Variants in STK40 observed in about 807,000 individuals in gnomAD.
STK40 encodes the protein serine/threonine kinase 40, also known as serine/threonine-protein kinase 40.
A neutral mutation model predicts 47.9 loss-of-function variants in STK40; 13 were observed. The observed-to-expected ratio is 0.27, with a 90% CI of 0.18 to 0.43. The LOEUF (loss-of-function observed/expected upper bound fraction) is 0.43, where lower values mean the gene tolerates loss of function less well. Among genes scored for constraint, STK40 ranks in the 20% least tolerant of loss-of-function variants. The probability of loss-of-function intolerance (pLI) is 1.00; values close to 1 mark genes in which losing one functional copy is unlikely to be tolerated. For synonymous variants in STK40, 225 were observed against 243.2 expected, an observed-to-expected ratio of 0.93 and a Z score of 0.69; for missense variants, 460 against 595.1, an observed-to-expected ratio of 0.77 and a Z score of 2.36.
At chr1:36,363,217 C>T (rs1045295735) in intron 1 of STK40, among the ~76,000 whole-genome samples, 3 of 151,866 alleles carry the variant, frequency 2.0e-5, no homozygotes, top group African/African-American at 2.4e-5. Flanking sequence ...GCAGGAAAAT[C>T]GCTTGAACTG....
At chr1:36,346,160 A>G (rs1189817714) in intron 7 of STK40, among the ~76,000 whole-genome samples, 2 of 150,488 alleles carry the variant, frequency 1.3e-5, no homozygotes. Context: ...ACGCCCGGCT[A>G]ATTTTTTTTA....
At chr1:36,348,883 G>A (rs1391537411) in intron 6 of STK40, 68 bp from the exon 7 acceptor site, 4 of 1,353,102 alleles carry the variant, frequency 3.0e-6, no homozygotes, top group Non-Finnish European at 4.1e-6. Flanking sequence ...ACGCAGGCAG[G>A]ACACACCTCA....
At chr1:36,356,475 GAGTGC>G (rs1236167942) in intron 4 of STK40, among the ~76,000 whole-genome samples, 2 of 144,882 alleles carry the variant, frequency 1.4e-5, no homozygotes, top group Admixed American at 1.4e-4. Flanking sequence ...GCCCAGGCTG[GAGTGC>G]AGTGTCACGC....
rs371456549 is a variant in STK40 at position 36,344,488 on chromosome 1, G to A, written c.740-224C>T. 1.8e-3 allele frequency among the ~76,000 whole-genome samples: 277 copies of A among 152,268 alleles called. 1 individual carries two copies. Among genetic ancestry groups the A allele is most frequent in the African/African-American group, 6.4e-3 (265 of 41,560 alleles). ...AGCACCTGCTCACAGCACCTGCCCC[G>A]CCCGGCCAGATGGCGAGCCCCTGGG... On this transcript the variant is annotated intron_variant, in intron 7 of 10. Coordinates refer to ENST00000373132, the MANE Select transcript of STK40 (RefSeq NM_001282547.2).
chr1:36,352,595 A>C (rs962028232), intron 6 of STK40, among the ~76,000 whole-genome samples: 7 of 152,200 alleles, frequency 4.6e-5, no homozygotes, highest in Non-Finnish European at 1.5e-5. Context: ...CAGCCAGTCC[A>C]GGGTTCAAGC....
At chr1:36,380,131 T>A (rs932503501) in intron 1 of STK40, among the ~76,000 whole-genome samples, 1 of 152,194 alleles carries the variant, frequency 6.6e-6, no homozygotes, top group Non-Finnish European at 1.5e-5. Flanking sequence ...AGGATCTTGA[T>A]TACAGAGCCT....
chr1:36,347,006 C>G (rs1646708774), intron 7 of STK40, among the ~76,000 whole-genome samples: 1 of 152,172 alleles, frequency 6.6e-6, no homozygotes, highest in Admixed American at 6.5e-5. Flanking sequence ...CCCCTGGCAC[C>G]CAGTTCCCTC....
At position 36,341,752 on chromosome 1, in the gene STK40, CTGT is replaced by C; in HGVS notation, c.1308_*2del. 3.1e-6 allele frequency: 5 copies of C among 1,610,064 alleles called. No individual in the cohort carries two copies. Among genetic ancestry groups the C allele is most frequent in the Non-Finnish European group, 4.2e-6 (5 of 1,178,390 alleles). On this transcript the variant is annotated stop_retained_variant and 3_prime_UTR_variant, in exon 11 of 11. Transcript: ENST00000373132. ...GCAGTGCTGGTGGCCCCGGCTGAGG[CTGT>C]TATTTCCGCAGGTAGCGCTGCGCCA...
At chr1:36,349,284 C>T (rs1311292559) in intron 6 of STK40, among the ~76,000 whole-genome samples, 1 of 152,166 alleles carries the variant, frequency 6.6e-6, no homozygotes, top group Admixed American at 6.5e-5. Context: ...AAGGGCTGGC[C>T]CCGAGCCACC....
At chr1:36,342,114 C>CG (rs1368809616) in intron 10 of STK40, 141 bp from the exon 11 acceptor site, 2 of 812,118 alleles carry the variant, frequency 2.5e-6, no homozygotes, top group East Asian at 2.7e-5. Flanking sequence ...GCCTCAAGGC[C>CG]GGGGGTGGGA....
chr1:36,354,432 C>T lies in STK40; in HGVS notation c.571-16G>A, dbSNP rs766338622. 8 of 1,613,848 alleles carry T rather than the reference C, an allele frequency of 5.0e-6. No homozygotes were observed. The highest frequency in any genetic ancestry group is 4.4e-5 in the South Asian group (4 of 91,078). On this transcript the variant is annotated splice_polypyrimidine_tract_variant and intron_variant, in intron 5 of 10. Coordinates refer to ENST00000373132, the MANE Select transcript of STK40 (RefSeq NM_001282547.2). The stretch of plus-strand genomic sequence containing the variant: ...CGATATTTTTCTGTAAAACAACAGG[C>T]GTATGGTTTACATTGTCAATGTGAG...
chr1:36,371,277 G>C (rs776808336), intron 1 of STK40, among the ~76,000 whole-genome samples: 4 of 151,896 alleles, frequency 2.6e-5, no homozygotes, highest in East Asian at 1.9e-4. Context: ...AAGAAGGGCC[G>C]GGCGTGGTGG....
intron 1 of STK40, chr1:36,367,763 G>C: frequency 1.0e-6 from 1 of 973,958 alleles, no homozygotes; most frequent in Non-Finnish European, 1.2e-6. Context: ...CTGAAGCCTG[G>C]CCAAGGCATG....
Position 36,356,570 on chromosome 1 carries a change from T to C in STK40, c.343-1137A>G, listed in dbSNP as rs568466928. ...CCTCCCGAGTAGCTGGGAATACAGG[T>C]GCCCACCACCATGCCCGGCTAATTT... On this transcript the variant is annotated intron_variant, in intron 4 of 10. Coordinates refer to ENST00000373132, the MANE Select transcript of STK40 (RefSeq NM_001282547.2). 1.7e-3 allele frequency among the ~76,000 whole-genome samples: 257 copies of C among 151,906 alleles called. 1 individual carries two copies. Among genetic ancestry groups the C allele is most frequent in the South Asian group, 7.7e-3 (37 of 4,796 alleles).
At chr1:36,345,380 G>C (rs1557505003) in intron 7 of STK40, among the ~76,000 whole-genome samples, 1 of 152,240 alleles carries the variant, frequency 6.6e-6, no homozygotes, top group Admixed American at 6.5e-5. Context: ...GTCTTCAGAA[G>C]GTACCACGGC....
chr1:36,363,296 C>T (rs1646869852), intron 1 of STK40, among the ~76,000 whole-genome samples: 1 of 152,034 alleles, frequency 6.6e-6, no homozygotes, highest in African/African-American at 2.4e-5. Context: ...AGCAAGACTC[C>T]ATCTTAAAAC....
chr1:36,354,346 T>G lies in STK40; in HGVS notation c.623+18A>C. 1 of 1,613,800 alleles carries G rather than the reference T, an allele frequency of 6.2e-7. No individual in the cohort carries two copies. Among genetic ancestry groups the G allele is most frequent in the Non-Finnish European group, 8.5e-7 (1 of 1,179,748 alleles). On this transcript the variant is annotated intron_variant, in intron 6 of 10. Coordinates refer to ENST00000373132, the MANE Select transcript of STK40 (RefSeq NM_001282547.2). The stretch of plus-strand genomic sequence containing the variant: ...CAGCCCCGGGGTAACTGTATGGATG[T>G]AGAGACAGGGATCTTACCTCTTGTT...
chr1:36,341,700 C>A lies in STK40; in HGVS notation c.*55G>T. 6.3e-7 allele frequency: 1 copy of A among 1,596,784 alleles called. No homozygotes were observed. The highest frequency in any genetic ancestry group is 8.6e-7 in the Non-Finnish European group (1 of 1,168,762). The stretch of plus-strand genomic sequence containing the variant: ...CAGGGCCCAGCCCTGACAGCCACGC[C>A]TTTGGCTGGGGCTGGAAGAAGTGGC... On this transcript the variant is annotated 3_prime_UTR_variant, in exon 11 of 11. Transcript: ENST00000373132.
chr1:36,365,137 T>G (rs1007132877), intron 1 of STK40, among the ~76,000 whole-genome samples: 5 of 152,116 alleles, frequency 3.3e-5, no homozygotes, highest in African/African-American at 4.8e-5. Context: ...ATTACAGGCA[T>G]GTGCCACCAC....
Sources: gnomAD v4.1 joint callset for allele counts (sites outside exome capture counted in the v4.1 genomes callset) on GRCh38, gnomAD v4.1.1 for gene constraint, MANE v1.5 for transcripts, NCBI Gene and HGNC (gene_info 2026-07-23, HGNC 2026-07-21) for gene names.